ADAMTS6: variants seen among roughly 807,000 people sequenced by gnomAD.
The protein encoded by ADAMTS6 is ADAM metallopeptidase with thrombospondin type 1 motif 6, also known as A disintegrin and metalloproteinase with thrombospondin motifs 6.
ADAMTS6 carries 23 observed loss-of-function variants against 144.3 expected under a neutral mutation model. The ratio of observed to expected loss-of-function variants is 0.16; its 90% CI spans 0.11 to 0.23. ADAMTS6 has a LOEUF of 0.23. ADAMTS6 is among the 10% of genes least tolerant of loss of function. ADAMTS6 has a pLI of 1.00. For synonymous variants in ADAMTS6, 444 were observed against 457.5 expected (o/e 0.97, Z 0.38); for missense variants, 999 against 1,379.6 (o/e 0.72, Z 4.37).
chr5:65,474,708 T>A (rs1760715905), intron 1 of ADAMTS6, among the ~76,000 whole-genome samples: 1 of 151,478 alleles, frequency 6.6e-6, no homozygotes, highest in South Asian at 2.1e-4. Context: ...AATAGTATAT[T>A]TGGCTGCCTG....
chr5:65,280,833 A>T (rs1351365447), intron 11 of ADAMTS6, among the ~76,000 whole-genome samples: 1 of 152,194 alleles, frequency 6.6e-6, no homozygotes, highest in African/African-American at 2.4e-5. Flanking sequence ...CTGGGGAAAA[A>T]ATATGCAGGA....
chr5:65,200,322 G>A (rs1331343263), intron 20 of ADAMTS6, among the ~76,000 whole-genome samples: 1 of 152,106 alleles, frequency 6.6e-6, no homozygotes, highest in African/African-American at 2.4e-5. Flanking sequence ...ACTTTAGAAA[G>A]TAGAAAATAC....
intron 7 of ADAMTS6, among the ~76,000 whole-genome samples, chr5:65,339,075 T>C (rs1462327272): frequency 6.6e-6 from 1 of 152,052 alleles, no homozygotes; most frequent in Non-Finnish European, 1.5e-5. Flanking sequence ...ATCAGAGTAA[T>C]AGCACGATGG....
chr5:65,254,249 C>T (rs16893605), intron 14 of ADAMTS6, among the ~76,000 whole-genome samples: 11,488 of 152,104 alleles, frequency 0.076, 481 homozygotes, highest in East Asian at 0.11. Context: ...AAAATGTAGA[C>T]GCTTCTGCTC....
At chr5:65,207,380 A>G (rs530687938) in intron 20 of ADAMTS6, among the ~76,000 whole-genome samples, 5 of 152,306 alleles carry the variant, frequency 3.3e-5, no homozygotes, top group African/African-American at 9.6e-5. Flanking sequence ...AATATAAAAT[A>G]TCGTATGTAT....
At chr5:65,404,308 A>G (rs1436520447) in intron 7 of ADAMTS6, among the ~76,000 whole-genome samples, 1 of 151,990 alleles carries the variant, frequency 6.6e-6, no homozygotes, top group Non-Finnish European at 1.5e-5. Context: ...CCCCTACCCC[A>G]TGACAGGCCC....
chr5:65,193,936 T>C (rs1755169531), intron 21 of ADAMTS6, among the ~76,000 whole-genome samples: 1 of 152,172 alleles, frequency 6.6e-6, no homozygotes, highest in Non-Finnish European at 1.5e-5. Flanking sequence ...TCATAAGTAG[T>C]GTAATACAAT....
chr5:65,343,559 A>G (rs902437880), intron 7 of ADAMTS6, among the ~76,000 whole-genome samples: 4 of 152,124 alleles, frequency 2.6e-5, no homozygotes, highest in Non-Finnish European at 5.9e-5. Context: ...TTGATCAAAG[A>G]CCTAAATGTA....
intron 22 of ADAMTS6, among the ~76,000 whole-genome samples, chr5:65,180,946 T>C (rs1754311315): frequency 6.6e-6 from 1 of 152,190 alleles, no homozygotes; most frequent in African/African-American, 2.4e-5. Context: ...ATAGCATCTG[T>C]CATTTAATAA....
At chr5:65,253,891 G>C (rs146396827) in intron 14 of ADAMTS6, among the ~76,000 whole-genome samples, 381 of 128,630 alleles carry the variant, frequency 3.0e-3, no homozygotes, top group African/African-American at 9.6e-3. Flanking sequence ...GCAGTGATGC[G>C]ATCTCGGCTC....
chr5:65,364,422 C>T (rs951058328), intron 7 of ADAMTS6, among the ~76,000 whole-genome samples: 2 of 152,136 alleles, frequency 1.3e-5, no homozygotes, highest in African/African-American at 2.4e-5. Context: ...TGTTGCACAA[C>T]ACCAGAGGAT....
chr5:65,466,918 T>C (rs1380445970), intron 3 of ADAMTS6, among the ~76,000 whole-genome samples: 2 of 151,734 alleles, frequency 1.3e-5, no homozygotes, highest in African/African-American at 4.8e-5. Flanking sequence ...GGCGGGAGCC[T>C]GTAGTCCCAG....
chr5:65,400,793 C>G (rs1203153985), intron 7 of ADAMTS6, among the ~76,000 whole-genome samples: 1 of 152,114 alleles, frequency 6.6e-6, no homozygotes, highest in African/African-American at 2.4e-5. Context: ...AATATATCCT[C>G]TAGCTCAGAA....
At chr5:65,378,721 A>AGTT (rs1751772660) in intron 7 of ADAMTS6, among the ~76,000 whole-genome samples, 1 of 152,150 alleles carries the variant, frequency 6.6e-6, no homozygotes, top group Non-Finnish European at 1.5e-5. Context: ...TTACTACAGC[A>AGTT]CCATACTACA....
At chr5:65,409,522 A>G (rs1298858807) in intron 7 of ADAMTS6, among the ~76,000 whole-genome samples, 2 of 152,168 alleles carry the variant, frequency 1.3e-5, no homozygotes, top group Non-Finnish European at 2.9e-5. Context: ...TACCAACCAA[A>G]AAAAGTCCAG....
At chr5:65,152,919 A>G (rs1752213923) in intron 24 of ADAMTS6, among the ~76,000 whole-genome samples, 1 of 152,220 alleles carries the variant, frequency 6.6e-6, no homozygotes, top group Non-Finnish European at 1.5e-5. Flanking sequence ...TCATTTTTCC[A>G]GGTAGTTATA....
chr5:65,352,870 A>T (rs1006764650), intron 7 of ADAMTS6, among the ~76,000 whole-genome samples: 6 of 152,002 alleles, frequency 3.9e-5, no homozygotes, highest in Non-Finnish European at 8.8e-5. Flanking sequence ...AATCCACCCT[A>T]CTTGTCATGG....
At chr5:65,159,130 T>C (rs1752599906) in intron 24 of ADAMTS6, among the ~76,000 whole-genome samples, 1 of 152,044 alleles carries the variant, frequency 6.6e-6, no homozygotes. Flanking sequence ...GCTCTTTTTA[T>C]TCTCCTTTCA....
intron 15 of ADAMTS6, among the ~76,000 whole-genome samples, chr5:65,238,496 A>T (rs1758877312): frequency 1.3e-5 from 2 of 151,810 alleles, no homozygotes; most frequent in African/African-American, 4.8e-5. Context: ...GCTACTCAGG[A>T]GGCTGAGGTG....
Sources: allele counts gnomAD v4.1 joint callset (sites outside exome capture counted in the v4.1 genomes callset), GRCh38; gene constraint gnomAD v4.1.1; transcripts MANE v1.5; gene names NCBI Gene and HGNC (gene_info 2026-07-23, HGNC 2026-07-21).